Variants in SLC12A2 observed in about 807,000 individuals in gnomAD.
SLC12A2 encodes the protein solute carrier family 12 member 2.
In SLC12A2, 67 loss-of-function variants were observed where a neutral mutation model predicts 136.3. That is an observed-to-expected ratio of 0.49 (90% CI 0.40 to 0.60). The LOEUF is 0.60. Ranked by LOEUF, SLC12A2 falls within the 20% of genes least tolerant of loss-of-function variation. SLC12A2 has a pLI of 0.00. For synonymous variants in SLC12A2, 619 were observed against 562.9 expected (o/e 1.10, Z -1.41); for missense variants, 1,322 against 1,534.7 (o/e 0.86, Z 2.32).
intron 10 of SLC12A2, among the ~76,000 whole-genome samples, chr5:128,143,157 C>A (rs1462567529): frequency 2.0e-5 from 3 of 152,020 alleles, no homozygotes; most frequent in Non-Finnish European, 4.4e-5. Flanking sequence ...CATATACGTC[C>A]TGTATGTATT....
At chr5:128,093,395 G>A (rs534404058) in intron 1 of SLC12A2, among the ~76,000 whole-genome samples, 5 of 151,922 alleles carry the variant, frequency 3.3e-5, no homozygotes, top group Admixed American at 1.3e-4. Flanking sequence ...CCGAAATTTC[G>A]TCTTCTACCC....
intron 4 of SLC12A2, among the ~76,000 whole-genome samples, chr5:128,129,817 C>T (rs368943121): frequency 1.5e-4 from 23 of 151,900 alleles, no homozygotes; most frequent in African/African-American, 5.6e-4. Context: ...ACCTAATGGC[C>T]AAATTTAAAT....
intron 1 of SLC12A2, among the ~76,000 whole-genome samples, chr5:128,111,544 T>A (rs1225490846): frequency 1.3e-5 from 2 of 152,026 alleles, no homozygotes; most frequent in Non-Finnish European, 2.9e-5. Context: ...GGCGGGCAGA[T>A]CACGAGGTCA....
chr5:128,107,908 A>G (rs1029818939), intron 1 of SLC12A2, among the ~76,000 whole-genome samples: 2 of 152,064 alleles, frequency 1.3e-5, no homozygotes, highest in African/African-American at 4.8e-5. Context: ...ACTTTCACCA[A>G]CAATGTAATT....
intron 16 of SLC12A2, among the ~76,000 whole-genome samples, chr5:128,160,244 G>A (rs1394020984): frequency 6.6e-6 from 1 of 151,956 alleles, no homozygotes; most frequent in African/African-American, 2.4e-5. Flanking sequence ...GTTGGGAGGT[G>A]GGGGGGCTCG....
At chr5:128,169,454 C>T (rs571005747) in intron 18 of SLC12A2, 2 of 152,226 alleles carry the variant, frequency 1.3e-5, no homozygotes, top group Non-Finnish European at 2.9e-5. Context: ...ATCTCATACT[C>T]TACTTTTTAA....
intron 4 of SLC12A2, among the ~76,000 whole-genome samples, chr5:128,119,011 G>A (rs11744128): frequency 2.6e-5 from 4 of 152,062 alleles, no homozygotes; most frequent in Non-Finnish European, 5.9e-5. Flanking sequence ...GGGATTCAAT[G>A]TGTAGGTATG....
Position 128,083,993 on chromosome 5 carries a change from G to T in SLC12A2, c.39G>T (p.Pro13=). The T allele has an allele frequency of 1.6e-6, 2 of 1,247,718 alleles. No homozygotes were observed. Among genetic ancestry groups the T allele is most frequent in the Non-Finnish European group, 2.0e-6 (2 of 997,306 alleles). 77.3% of individuals were successfully genotyped at this position (1,247,718 alleles called of 1,614,324 possible). The change falls in exon 1 of 27, where the codon CCG becomes CCT. Residue 13 remains proline (P), a synonymous_variant. Transcript: ENST00000262461. ...PRPTAPSSGA[P]GLAGVGETPS... is the part of the protein sequence containing the mutation. ...CCACGGCGCCCTCCTCCGGCGCCCC[G>T]GGACTGGCCGGGGTCGGGGAGACGC...
chr5:128,155,329 A>G (rs1482912543), intron 15 of SLC12A2, among the ~76,000 whole-genome samples: 4 of 152,184 alleles, frequency 2.6e-5, no homozygotes, highest in African/African-American at 7.2e-5. Context: ...AATTTTGGAC[A>G]TTATCAACTG....
intron 1 of SLC12A2, among the ~76,000 whole-genome samples, chr5:128,090,833 C>A (rs1760285010): frequency 6.6e-6 from 1 of 152,016 alleles, no homozygotes; most frequent in Non-Finnish European, 1.5e-5. Context: ...GTCAGCAAGA[C>A]CGAATTGATG....
intron 19 of SLC12A2, among the ~76,000 whole-genome samples, chr5:128,173,531 A>C (rs7703634): frequency 0.3 from 45,481 of 152,006 alleles, 7,818 homozygotes; most frequent in African/African-American, 0.47. Flanking sequence ...GGAATTTGGG[A>C]ATAGGAATTA....
At chr5:128,124,008 C>T (rs1238600119) in intron 4 of SLC12A2, among the ~76,000 whole-genome samples, 1 of 152,108 alleles carries the variant, frequency 6.6e-6, no homozygotes, top group Non-Finnish European at 1.5e-5. Context: ...CCAGTTATTC[C>T]AGCACCGTCT....
intron 12 of SLC12A2, 143 bp downstream of exon 12, chr5:128,149,020 T>C (rs1353360008): frequency 1.4e-6 from 1 of 695,054 alleles, no homozygotes; most frequent in Non-Finnish European, 2.4e-6. Flanking sequence ...CTGTAAGTAA[T>C]AGCATGAGTA....
chr5:128,168,868 AT>A (rs1049773843), intron 18 of SLC12A2: 21 of 152,236 alleles, frequency 1.4e-4, no homozygotes, highest in African/African-American at 5.1e-4. Context: ...AGCCTGGCTC[AT>A]TACTGGTCCA....
At chr5:128,183,849 C>G (rs758761919) in intron 24 of SLC12A2, among the ~76,000 whole-genome samples, 4 of 151,772 alleles carry the variant, frequency 2.6e-5, no homozygotes, top group Non-Finnish European at 5.9e-5. Context: ...GAGAAAATGG[C>G]CATAAGGGGA....
At chr5:128,155,735 T>C (rs1762852284) in intron 15 of SLC12A2, among the ~76,000 whole-genome samples, 1 of 152,296 alleles carries the variant, frequency 6.6e-6, no homozygotes, top group Middle Eastern at 3.4e-3. Flanking sequence ...TCGGCATTGG[T>C]AAGTGGAGCT....
At chr5:128,186,119 A>G (rs542081077) in intron 26 of SLC12A2, among the ~76,000 whole-genome samples, 34 of 152,272 alleles carry the variant, frequency 2.2e-4, no homozygotes, top group African/African-American at 7.2e-4. Flanking sequence ...AATGCTTACC[A>G]TCGTGTTACA....
intron 23 of SLC12A2, 108 bp downstream of exon 23, chr5:128,181,102 CT>C: frequency 5.2e-6 from 4 of 765,592 alleles, no homozygotes; most frequent in African/African-American, 1.8e-5. Flanking sequence ...TATTATCTTG[CT>C]TTGTTCTTTA....
At chr5:128,169,239 A>AC (rs397730889) in intron 18 of SLC12A2, 1 of 151,710 alleles carries the variant, frequency 6.6e-6, no homozygotes, top group Admixed American at 6.6e-5. Flanking sequence ...TTTAAAAAAA[A>AC]CTTTTATTTA....
Sources: gnomAD v4.1 joint callset for allele counts (sites outside exome capture counted in the v4.1 genomes callset) on GRCh38, gnomAD v4.1.1 for gene constraint, MANE v1.5 for transcripts, NCBI Gene and HGNC (gene_info 2026-07-23, HGNC 2026-07-21) for gene names.